TMC3: variants seen among roughly 807,000 people sequenced by gnomAD.
TMC3 encodes transmembrane channel like 3, also known as transmembrane channel-like protein 3.
A neutral mutation model predicts 110.6 loss-of-function variants in TMC3; 98 were observed. That is an observed-to-expected ratio of 0.89 (90% CI 0.75 to 1.05). The LOEUF is 1.05. Among genes scored for constraint, TMC3 ranks in the 50% least tolerant of loss-of-function variants. TMC3 has a pLI of 0.00. For missense variants in TMC3, 1,319 were observed against 1,373.2 expected, an observed-to-expected ratio of 0.96 and a Z score of 0.62; for synonymous variants, 489 against 513.1, an observed-to-expected ratio of 0.95 and a Z score of 0.63.
rs1893474359 is a variant in TMC3 at position 81,332,099 on chromosome 15, GTC to G, written c.*318_*319del. 1 of 273,798 alleles carries G rather than the reference GTC, an allele frequency of 3.7e-6. No homozygotes were observed. The highest frequency in any genetic ancestry group is 4.8e-5 in the Admixed American group (1 of 20,802). 17.0% of individuals were successfully genotyped at this position (273,798 alleles called of 1,614,324 possible). On this transcript the variant is annotated 3_prime_UTR_variant, in exon 22 of 22. Transcript: ENST00000359440. Reference sequence around the variant, plus strand: ...CATGCCTGCTCTAAAACTTGCCTCAGTCTCTCCTTCTGTCTTGAGCCCCTCTG... The same window carrying G: ...CATGCCTGCTCTAAAACTTGCCTCAGTCTCCTTCTGTCTTGAGCCCCTCTG...
rs761365637 is a variant in TMC3 at position 81,333,272 on chromosome 15, A to AGG, written c.2460-12_2460-11dup. 16 of 1,589,994 alleles carry AGG rather than the reference A, an allele frequency of 1.0e-5. No individual in the cohort carries two copies. The highest frequency in any genetic ancestry group is 4.0e-5 in the African/African-American group (3 of 74,562). On this transcript the variant is annotated splice_polypyrimidine_tract_variant and intron_variant, in intron 21 of 21. Transcript: ENST00000359440. ...CAGACCGTGCAGATACCTGTAAGACAGGGGCGGTTAAGTAGCTGTGGCCTT... is the reference window on the plus strand; with the variant it reads ...CAGACCGTGCAGATACCTGTAAGACAGGGGGGCGGTTAAGTAGCTGTGGCCTT...
chr15:81,332,655 G>C lies in TMC3; in HGVS notation c.3067C>G (p.Gln1023Glu). Reference sequence around the variant, plus strand: ...TTCCCTCTGGGCTTCAGAGGGGGCTGTGGGTATTGGAAATTCCGGGATCGT... The same window carrying C: ...TTCCCTCTGGGCTTCAGAGGGGGCTCTGGGTATTGGAAATTCCGGGATCGT... Reference protein sequence around the residue: ...KPRSRNFQYPQPPLKPRGKPR... With the variant: ...KPRSRNFQYPEPPLKPRGKPR... Residue 1023 changes from glutamine (Q) to glutamate (E), a missense_variant, in exon 22 of 22, where the codon CAG (glutamine) becomes GAG (glutamate). Gln to Glu is a conservative substitution (Grantham distance 29). Coordinates refer to ENST00000359440, the MANE Select transcript of TMC3 (RefSeq NM_001080532.3). 6.2e-7 allele frequency: 1 copy of C among 1,614,020 alleles called. No individual in the cohort carries two copies. Among genetic ancestry groups the C allele is most frequent in the East Asian group, 2.2e-5 (1 of 44,876 alleles).
Position 81,351,687 on chromosome 15 carries a change from T to C in TMC3, c.1083+7A>G. 1 of 1,552,598 alleles carries C rather than the reference T, an allele frequency of 6.4e-7. No homozygotes were observed. Among genetic ancestry groups the C allele is most frequent in the Non-Finnish European group, 8.7e-7 (1 of 1,147,352 alleles). Reference sequence around the variant, plus strand: ...TCTAGGGTGCTGCAGGTAATGGCAGTGGGTACCTCATTCTTTTCCCAAAGT... The same window carrying C: ...TCTAGGGTGCTGCAGGTAATGGCAGCGGGTACCTCATTCTTTTCCCAAAGT... On this transcript the variant is annotated splice_region_variant and intron_variant, in intron 10 of 21. Coordinates refer to ENST00000359440, the MANE Select transcript of TMC3 (RefSeq NM_001080532.3).
At chr15:81,371,388 A>T (rs1210195857) in intron 2 of TMC3, among the ~76,000 whole-genome samples, 1 of 152,378 alleles carries the variant, frequency 6.6e-6, no homozygotes, top group East Asian at 1.9e-4. Flanking sequence ...TGGGAAAGAA[A>T]TGCAAGCCTA....
At chr15:81,369,942 A>C (rs2141427643) in intron 2 of TMC3, among the ~76,000 whole-genome samples, 1 of 152,172 alleles carries the variant, frequency 6.6e-6, no homozygotes, top group Middle Eastern at 3.4e-3. Flanking sequence ...CAACAACAAC[A>C]ACAAAAAACC....
intron 18 of TMC3, 81 bp from the exon 19 acceptor site, chr15:81,338,005 G>T: frequency 8.6e-7 from 1 of 1,162,464 alleles, no homozygotes; most frequent in South Asian, 1.2e-5. Flanking sequence ...GCAGATAGTT[G>T]GCAGGAATGA....
At chr15:81,343,731 A>C (rs1190433426) in intron 14 of TMC3, among the ~76,000 whole-genome samples, 186 bp downstream of exon 14, 2 of 151,630 alleles carry the variant, frequency 1.3e-5, no homozygotes, top group South Asian at 2.1e-4. Flanking sequence ...GTCTCAAAAA[A>C]CACAAAAAAC....
chr15:81,360,230 G>A (rs1220676321), intron 4 of TMC3, among the ~76,000 whole-genome samples: 1 of 151,980 alleles, frequency 6.6e-6, no homozygotes, highest in African/African-American at 2.4e-5. Context: ...TTAAAATCAC[G>A]ATTAGAATTA....
At chr15:81,348,091 G>A (rs566651215) in intron 11 of TMC3, among the ~76,000 whole-genome samples, 151 of 152,310 alleles carry the variant, frequency 9.9e-4, no homozygotes, top group African/African-American at 2.9e-3. Flanking sequence ...CCTGTTCATC[G>A]CCGTATGGTC....
chr15:81,339,662 C>T (rs1487861468), intron 16 of TMC3, among the ~76,000 whole-genome samples, 158 bp from the exon 17 acceptor site: 1 of 152,176 alleles, frequency 6.6e-6, no homozygotes, highest in Non-Finnish European at 1.5e-5. Context: ...GTCATAGGGT[C>T]ACATGCAGCT....
In TMC3 at chr15:81,332,717, C is replaced by T; in HGVS notation, c.3005G>A (p.Gly1002Asp). ...CACATAGGCTGGCCTCTCAAGGTGA[C>T]CCTCAAAATCTTCATTCCACGACTT... ...HYKSWNEDFEGHLERPAYVPR... is the reference protein window; with the variant it reads ...HYKSWNEDFEDHLERPAYVPR... Residue 1002 changes from glycine (G) to aspartate (D), a missense_variant, in exon 22 of 22, where the codon GGT becomes GAT. Coordinates refer to ENST00000359440, the MANE Select transcript of TMC3 (RefSeq NM_001080532.3). The T allele has an allele frequency of 6.2e-7, 1 of 1,613,826 alleles. No individual in the cohort carries two copies. Among genetic ancestry groups the T allele is most frequent in the Non-Finnish European group, 8.5e-7 (1 of 1,179,874 alleles).
intron 9 of TMC3, among the ~76,000 whole-genome samples, chr15:81,355,004 A>G (rs900077215): frequency 1.3e-5 from 2 of 152,114 alleles, no homozygotes; most frequent in Non-Finnish European, 2.9e-5. Flanking sequence ...TTAATGACAG[A>G]GAGGACTAGA....
At chr15:81,371,597 C>G (rs1164595688) in intron 2 of TMC3, among the ~76,000 whole-genome samples, 2 of 152,160 alleles carry the variant, frequency 1.3e-5, no homozygotes, top group African/African-American at 4.8e-5. Context: ...TGCTAACTCC[C>G]TTTGCTGTGA....
intron 10 of TMC3, 21 bp downstream of exon 10, chr15:81,351,673 G>A (rs1207125317): frequency 6.4e-7 from 1 of 1,551,930 alleles, no homozygotes; most frequent in South Asian, 1.2e-5. Context: ...CTAGGGTGCT[G>A]CAGGTAATGG....
intron 7 of TMC3, among the ~76,000 whole-genome samples, chr15:81,357,920 C>T (rs1894100547): frequency 6.6e-6 from 1 of 152,116 alleles, no homozygotes. Context: ...ATGAACATGC[C>T]TCTTTTAGCC....
At chr15:81,342,944 C>T (rs1893745814) in intron 15 of TMC3, 2 of 215,740 alleles carry the variant, frequency 9.3e-6, no homozygotes, top group Non-Finnish European at 1.8e-5. Context: ...CCCCCGCAGC[C>T]ACTCCTGAAG....
Position 81,334,847 on chromosome 15 carries a change from T to C in TMC3, c.2332A>G (p.Ser778Gly), listed in dbSNP as rs1893556150. Residue 778 changes from serine to glycine, a missense_variant, in exon 21 of 22, where the codon AGC (serine) becomes GGC (glycine). Transcript: ENST00000359440. ...NGNVAHFDSGSSKSGRIETVA... is the reference protein window; with the variant it reads ...NGNVAHFDSGGSKSGRIETVA... ...GTCTCTATCCTGCCACTCTTGCTGC[T>C]CCCTGAGTCAAAATGGGCCACGTTG... 6.2e-7 allele frequency: 1 copy of C among 1,614,008 alleles called. No individual in the cohort carries two copies. The highest frequency in any genetic ancestry group is 1.1e-5 in the South Asian group (1 of 91,084).
intron 4 of TMC3, among the ~76,000 whole-genome samples, chr15:81,360,043 A>G (rs1894152865): frequency 6.6e-6 from 1 of 152,134 alleles, no homozygotes. Flanking sequence ...GCATAGAAGA[A>G]CTCAGATGAG....
rs184128150 is a variant in TMC3, at chr15:81,358,137, G to A, written c.743+12C>T. ...CGCTTGATATGTATTTTGAGAAATT[G>A]AGCAGTCATACTTTTTTAAAAGAAT... On this transcript the variant is annotated intron_variant, in intron 7 of 21. Coordinates refer to ENST00000359440, the MANE Select transcript of TMC3 (RefSeq NM_001080532.3). 2 of 1,573,404 alleles carry A rather than the reference G, an allele frequency of 1.3e-6. No individual in the cohort carries two copies. The highest frequency in any genetic ancestry group is 1.9e-5 in the Admixed American group (1 of 52,376).
Sources: gnomAD v4.1 joint callset for allele counts (sites outside exome capture counted in the v4.1 genomes callset) on GRCh38, gnomAD v4.1.1 for gene constraint, MANE v1.5 for transcripts, NCBI Gene and HGNC (gene_info 2026-07-23, HGNC 2026-07-21) for gene names.